SCNN1A: variants seen among roughly 807,000 people sequenced by gnomAD.
SCNN1A encodes the protein epithelial sodium channel subunit alpha.
Under a neutral mutation model 68.6 loss-of-function variants are expected in SCNN1A, and 65 were observed. That is an observed-to-expected ratio of 0.95 (90% CI 0.78 to 1.16). SCNN1A has a LOEUF of 1.16. Among genes scored for constraint, SCNN1A ranks in the 50% most tolerant of loss-of-function variants. The pLI is 0.00. For synonymous variants in SCNN1A, 357 were observed against 353.3 expected, an observed-to-expected ratio of 1.01 and a Z score of -0.12; for missense variants, 880 against 865.9, an observed-to-expected ratio of 1.02 and a Z score of -0.20.
chr12:6,362,287 A>C, intron 3 of SCNN1A, 46 bp from the exon 4 acceptor site: 6 of 1,572,600 alleles, frequency 3.8e-6, no homozygotes, highest in Non-Finnish European at 5.3e-6. Flanking sequence ...GCCGGGGATA[A>C]GCCCCTTGGC....
intron 2 of SCNN1A, among the ~76,000 whole-genome samples, chr12:6,371,331 C>T (rs1948786075): frequency 6.6e-6 from 1 of 152,006 alleles, no homozygotes; most frequent in South Asian, 2.1e-4. Context: ...CTCCCTCCTG[C>T]ACGCCTGACA....
chr12:6,354,145 G>A (rs1948449892), intron 8 of SCNN1A, among the ~76,000 whole-genome samples: 2 of 152,070 alleles, frequency 1.3e-5, no homozygotes, highest in South Asian at 4.2e-4. Context: ...GCAGGAGAAT[G>A]GTGGGAACCC....
At chr12:6,361,109 G>C (rs1948573915) in intron 4 of SCNN1A, among the ~76,000 whole-genome samples, 1 of 152,234 alleles carries the variant, frequency 6.6e-6, no homozygotes. Flanking sequence ...GGATTATATA[G>C]TTTTTCCTTT....
chr12:6,368,595 A>G (rs931068747), intron 2 of SCNN1A, among the ~76,000 whole-genome samples: 13 of 152,324 alleles, frequency 8.5e-5, no homozygotes, highest in African/African-American at 3.1e-4. Flanking sequence ...AGCTAACACA[A>G]TTGTCATTCC....
At position 6,363,558 on chromosome 12, in the gene SCNN1A, C is replaced by T. The variant is rs1202071008; in HGVS notation, c.569G>A (p.Arg190His). Reference protein sequence around the residue: ...LRGTLPHPLQRLRVPPPPHGA... With the variant: ...LRGTLPHPLQHLRVPPPPHGA... ...GTGAGGCGGGGGCGGGACCCTCAGG[C>T]GCTGCAAGGGGTGCGGCAGAGTCCC... The change falls in exon 3 of 13, where the codon CGC becomes CAC. Residue 190 changes from arginine to histidine, a missense_variant. Arg to His is a conservative substitution (Grantham distance 29). Coordinates refer to ENST00000228916, the MANE Select transcript of SCNN1A (RefSeq NM_001038.6). 2 of 1,610,738 alleles carry T rather than the reference C, an allele frequency of 1.2e-6. No individual in the cohort carries two copies. The highest frequency in any genetic ancestry group is 2.2e-5 in the East Asian group (1 of 44,762).
chr12:6,363,434 G>GAA lies in SCNN1A; in HGVS notation c.684+8_684+9insTT, dbSNP rs1948616956. The GAA allele has an allele frequency of 1.3e-6, 2 of 1,549,616 alleles. No homozygotes were observed. Among genetic ancestry groups the GAA allele is most frequent in the Admixed American group, 3.9e-5 (2 of 50,874 alleles). On this transcript the variant is annotated intron_variant, in intron 3 of 12. Transcript: ENST00000228916. Reference sequence around the variant, plus strand: ...GGCGGGGCGGGCCCCTCGGCGCTGCGGGCCTCACCAGCTGGAAGCCGATCT... The same window carrying GAA: ...GGCGGGGCGGGCCCCTCGGCGCTGCGAAGGCCTCACCAGCTGGAAGCCGATCT...
chr12:6,355,429 G>A lies in SCNN1A; in HGVS notation c.986C>T (p.Ser329Phe). 3 of 1,613,870 alleles carry A rather than the reference G, an allele frequency of 1.9e-6. No homozygotes were observed. The highest frequency in any genetic ancestry group is 2.5e-6 in the Non-Finnish European group (3 of 1,179,972). The change falls in exon 6 of 13, where the codon TCC (serine) becomes TTC (phenylalanine). Residue 329 changes from serine to phenylalanine, a missense_variant. Transcript: ENST00000228916. ...ATTCTGCTCTGCGCGCAGCATCAGG[G>A]ACAGACCTAGGGGTGCAGAGAGAGC... Reference protein sequence around the residue: ...SSMPGINNGLSLMLRAEQNDF... With the variant: ...SSMPGINNGLFLMLRAEQNDF...
At chr12:6,373,862 G>C (rs1454022086) in intron 2 of SCNN1A, among the ~76,000 whole-genome samples, 1 of 152,116 alleles carries the variant, frequency 6.6e-6, no homozygotes, top group Non-Finnish European at 1.5e-5. Flanking sequence ...CCCCCTCTTT[G>C]CTTTCTCCAT....
At chr12:6,363,379 A>G in intron 3 of SCNN1A, 64 bp downstream of exon 3, 3 of 1,405,604 alleles carry the variant, frequency 2.1e-6, no homozygotes, top group African/African-American at 1.5e-5. Flanking sequence ...AGCGGAGCCC[A>G]TGGGTGGGCG....
In SCNN1A at chr12:6,360,596, G is replaced by A. The variant is rs72657592; in HGVS notation, c.875+1455C>T. Among the ~76,000 whole-genome samples the A allele has an allele frequency of 3.8e-3, 578 of 152,338 alleles. 2 individuals carry two copies. Among genetic ancestry groups the A allele is most frequent in the African/African-American group, 0.013 (552 of 41,572 alleles). Reference sequence around the variant, plus strand: ...CAAAGACTAAAAACAGAACAAAATCGTGTACTGGGCAGAGTGTGTGTGAAG... The same window carrying A: ...CAAAGACTAAAAACAGAACAAAATCATGTACTGGGCAGAGTGTGTGTGAAG... On this transcript the variant is annotated intron_variant, in intron 4 of 12. Coordinates refer to ENST00000228916, the MANE Select transcript of SCNN1A (RefSeq NM_001038.6).
chr12:6,348,309 C>A lies in SCNN1A; in HGVS notation c.1630-56G>T, dbSNP rs991474783. ...ACAGAGGGTTCTGGATGGACTCTGG[C>A]AGAGGAGCCCCCTTCCCTCCTCACC... On this transcript the variant is annotated intron_variant, in intron 12 of 12. Transcript: ENST00000228916. 5 of 1,611,972 alleles carry A rather than the reference C, an allele frequency of 3.1e-6. No homozygotes were observed. In the African/African-American group the frequency reaches 6.7e-5, roughly 22 times the overall value.
At position 6,363,646 on chromosome 12, in the gene SCNN1A, G is replaced by A. The variant is rs749370935; in HGVS notation, c.481C>T (p.Leu161=). The stretch of plus-strand genomic sequence containing the variant: ...GTGGTGAAGGAGCTGTATTTGTACA[G>A]GTCAAAGAGCGTCTGCTCTGTGATG... ...DRITEQTLFD[L]YKYSSFTTLV... is the part of the protein sequence containing the mutation. Residue 161 remains leucine (L), a synonymous_variant, in exon 3 of 13, where the codon CTG becomes TTG. Transcript: ENST00000228916. 6.2e-7 allele frequency: 1 copy of A among 1,611,850 alleles called. No homozygotes were observed. The highest frequency in any genetic ancestry group is 2.2e-5 in the East Asian group (1 of 44,752).
upstream of SCNN1A, chr12:6,377,249 T>A: frequency 6.5e-7 from 1 of 1,549,112 alleles, no homozygotes; most frequent in Non-Finnish European, 8.7e-7. Context: ...TTCCCTTGCT[T>A]ACCTTGATAC....
At chr12:6,373,163 G>A (rs560043072) in intron 2 of SCNN1A, among the ~76,000 whole-genome samples, 14 of 151,572 alleles carry the variant, frequency 9.2e-5, no homozygotes, top group East Asian at 1.9e-4. Context: ...AGGACAGGAC[G>A]TCCCACCCTT....
chr12:6,368,218 C>T (rs1948714258), intron 2 of SCNN1A, among the ~76,000 whole-genome samples: 1 of 152,208 alleles, frequency 6.6e-6, no homozygotes. Context: ...CCCCCGCCCC[C>T]AACCAGAATA....
rs1234526371 is a variant in SCNN1A at position 6,347,890 on chromosome 12, G to A, written c.1993C>T (p.Pro665Ser). ...GSAGASSSTC[P>S]LGGP The stretch of plus-strand genomic sequence containing the variant: ...CTTCCCTCTCAGGGCCCCCCCAGAG[G>A]ACAGGTGGAGGAACTGGCCCCTGCA... Residue 665 changes from proline (P) to serine (S), a missense_variant, in exon 13 of 13, where the codon CCT (proline) becomes TCT (serine). Physicochemically the swap from Pro to Ser is moderately conservative, Grantham distance 74. This residue lies in a region of SCNN1A where 758 missense variants were observed against 721.8 expected (regional missense o/e 1.05). Coordinates refer to ENST00000228916, the MANE Select transcript of SCNN1A (RefSeq NM_001038.6). The A allele has an allele frequency of 1.2e-6, 2 of 1,602,074 alleles. No individual in the cohort carries two copies. Among genetic ancestry groups the A allele is most frequent in the Non-Finnish European group, 1.7e-6 (2 of 1,174,698 alleles).
intron 6 of SCNN1A, 147 bp downstream of exon 6, chr12:6,355,125 C>A: frequency 1.1e-6 from 1 of 924,958 alleles, no homozygotes; most frequent in Admixed American, 2.0e-5. Context: ...CCAGTGCCAG[C>A]CCCTCTGCCC....
chr12:6,363,424 T>TCGG lies in SCNN1A; in HGVS notation c.684+16_684+18dup. 6.6e-7 allele frequency: 1 copy of TCGG among 1,518,120 alleles called. No homozygotes were observed. Among genetic ancestry groups the TCGG allele is most frequent in the Non-Finnish European group, 8.8e-7 (1 of 1,133,128 alleles). The allele number at this position is 1,518,120 out of a possible 1,614,324, so 94.0% of individuals were successfully genotyped here. A position where few individuals can be genotyped will look rare whatever the true frequency, so the allele number is the denominator to read the frequency against. Reference sequence around the variant, plus strand: ...GCCGGCGAGGGGCGGGGCGGGCCCCTCGGCGCTGCGGGCCTCACCAGCTGG... The same window carrying TCGG: ...GCCGGCGAGGGGCGGGGCGGGCCCCTCGGCGGCGCTGCGGGCCTCACCAGCTGG... On this transcript the variant is annotated intron_variant, in intron 3 of 12. Coordinates refer to ENST00000228916, the MANE Select transcript of SCNN1A (RefSeq NM_001038.6).
chr12:6,368,835 T>C (rs139375007), intron 2 of SCNN1A, among the ~76,000 whole-genome samples: 159 of 152,252 alleles, frequency 1.0e-3, no homozygotes, highest in Non-Finnish European at 1.7e-3. Context: ...TAACTCGGGG[T>C]AAGTGACCCA....
Sources: allele counts gnomAD v4.1 joint callset (sites outside exome capture counted in the v4.1 genomes callset), GRCh38; gene constraint gnomAD v4.1.1; regional missense constraint gnomAD v4.1.1; transcripts MANE v1.5; gene names NCBI Gene and HGNC (gene_info 2026-07-23, HGNC 2026-07-21).